The following C12orf42 variants were observed in gnomAD, a reference collection of about 807,000 sequenced individuals.
C12orf42 encodes uncharacterized protein C12orf42.
C12orf42 carries 25 observed loss-of-function variants against 21.6 expected under a neutral mutation model. That is an observed-to-expected ratio of 1.16 (90% CI 0.84 to 1.62). The LOEUF (loss-of-function observed/expected upper bound fraction) is 1.62, where lower values mean the gene tolerates loss of function less well. Ranked by LOEUF, C12orf42 falls within the 40% of genes most tolerant of loss-of-function variation. The pLI is 0.00. For synonymous variants in C12orf42, 174 were observed against 175.0 expected, an observed-to-expected ratio of 0.99 and a Z score of 0.05; for missense variants, 483 against 459.3, an observed-to-expected ratio of 1.05 and a Z score of -0.47.
intron 1 of C12orf42, among the ~76,000 whole-genome samples, chr12:103,490,221 T>C (rs1288809045): frequency 2.0e-5 from 3 of 152,222 alleles, no homozygotes; most frequent in Admixed American, 2.0e-4. Flanking sequence ...AATCTTAGTC[T>C]CTGACATTTA....
At chr12:103,081,185 TATAGAAA>T in the C12orf42 span, 10 of 152,350 alleles carry the variant, frequency 6.6e-5, no homozygotes, top group African/African-American at 2.2e-4. Flanking sequence ...TTCCTTAGGC[TATAGAAA>T]TATTTAGCGA....
chr12:103,557,080 T>A, the C12orf42 span, among the ~76,000 whole-genome samples: 1 of 152,160 alleles, frequency 6.6e-6, no homozygotes, highest in Admixed American at 6.5e-5. Context: ...GCCACTAGAT[T>A]TGTGGTAATC....
the C12orf42 span, among the ~76,000 whole-genome samples, chr12:103,228,424 A>T: frequency 6.6e-6 from 1 of 152,098 alleles, no homozygotes; most frequent in African/African-American, 2.4e-5. Flanking sequence ...TTTGTAGTGG[A>T]ATGTCATCAG....
At chr12:103,229,487 AATT>A in the C12orf42 span, among the ~76,000 whole-genome samples, 1 of 108,828 alleles carries the variant, frequency 9.2e-6, no homozygotes, top group South Asian at 3.1e-4. Context: ...TTATATTTAT[AATT>A]ATTTATTTAA....
chr12:103,492,752 G>C (rs1955262954), intron 1 of C12orf42, among the ~76,000 whole-genome samples: 1 of 152,134 alleles, frequency 6.6e-6, no homozygotes, highest in South Asian at 2.1e-4. Flanking sequence ...CAAGTCAAGT[G>C]TCTGTCTCCA....
chr12:103,203,831 T>C, the C12orf42 span, among the ~76,000 whole-genome samples: 1 of 151,928 alleles, frequency 6.6e-6, no homozygotes, highest in Non-Finnish European at 1.5e-5. Context: ...TACTGAAAAA[T>C]TGAGATGTAA....
At chr12:103,434,322 C>T (rs995362800) in intron 2 of C12orf42, among the ~76,000 whole-genome samples, 3 of 152,144 alleles carry the variant, frequency 2.0e-5, no homozygotes, top group Non-Finnish European at 4.4e-5. Context: ...CCCTTGATGA[C>T]GGAGCTGCAC....
chr12:103,133,067 G>C, the C12orf42 span, among the ~76,000 whole-genome samples: 1 of 152,170 alleles, frequency 6.6e-6, no homozygotes, highest in East Asian at 1.9e-4. Context: ...CTTGAGTGGG[G>C]ACTGGGTGCC....
chr12:103,291,553 T>G (rs138937095), intron 4 of C12orf42, among the ~76,000 whole-genome samples: 1 of 152,186 alleles, frequency 6.6e-6, no homozygotes, highest in Non-Finnish European at 1.5e-5. Context: ...TGACTAGCTA[T>G]ACTTAATAGC....
the C12orf42 span, among the ~76,000 whole-genome samples, chr12:103,088,807 C>T: frequency 6.6e-6 from 1 of 152,128 alleles, no homozygotes; most frequent in East Asian, 1.9e-4. Context: ...CAGTGAGAGT[C>T]TCAAGAATCA....
the C12orf42 span, among the ~76,000 whole-genome samples, chr12:103,095,392 T>C: frequency 6.6e-6 from 1 of 152,316 alleles, no homozygotes; most frequent in African/African-American, 2.4e-5. Flanking sequence ...ACTGGTCTCC[T>C]TGCTGCCCTT....
chr12:103,474,314 G>A (rs773380855), intron 2 of C12orf42, among the ~76,000 whole-genome samples: 48 of 152,128 alleles, frequency 3.2e-4, no homozygotes, highest in Non-Finnish European at 6.0e-4. Flanking sequence ...TTACCAAAAC[G>A]GAAAATTGTA....
intron 2 of C12orf42, among the ~76,000 whole-genome samples, chr12:103,464,501 C>T (rs1008940803): frequency 4.6e-5 from 7 of 150,986 alleles, no homozygotes; most frequent in African/African-American, 1.5e-4. Flanking sequence ...AAAATTTTCT[C>T]CTATTCTGTA....
the C12orf42 span, among the ~76,000 whole-genome samples, chr12:103,529,126 G>A: frequency 1.3e-4 from 20 of 152,144 alleles, no homozygotes; most frequent in African/African-American, 4.8e-4. Flanking sequence ...CATCCTCCAG[G>A]TGCCTGAGCA....
At chr12:103,137,943 C>A in the C12orf42 span, among the ~76,000 whole-genome samples, 1 of 151,910 alleles carries the variant, frequency 6.6e-6, no homozygotes, top group African/African-American at 2.4e-5. Flanking sequence ...GGAATTAGTT[C>A]TCATGTTTGA....
the C12orf42 span, among the ~76,000 whole-genome samples, chr12:103,148,238 C>G: frequency 6.6e-6 from 1 of 152,098 alleles, no homozygotes; most frequent in South Asian, 2.1e-4. Flanking sequence ...TAGGTTCTTA[C>G]AATTAAAAGG....
the C12orf42 span, among the ~76,000 whole-genome samples, chr12:103,515,507 T>A: frequency 6.6e-6 from 1 of 152,200 alleles, no homozygotes; most frequent in Admixed American, 6.5e-5. Flanking sequence ...TATAATTAAG[T>A]GATAATGAAT....
At chr12:103,488,560 C>G (rs1954988470) in intron 1 of C12orf42, among the ~76,000 whole-genome samples, 1 of 152,164 alleles carries the variant, frequency 6.6e-6, no homozygotes, top group South Asian at 2.1e-4. Context: ...CAACGTGGTT[C>G]CATTCTCCCC....
At chr12:103,279,405 A>G (rs12315487) in intron 4 of C12orf42, among the ~76,000 whole-genome samples, 16,781 of 152,216 alleles carry the variant, frequency 0.11, 1,012 homozygotes, top group African/African-American at 0.16. Context: ...TTAAATATAT[A>G]TGTGTATATG....
Sources: gnomAD v4.1 joint callset for allele counts (sites outside exome capture counted in the v4.1 genomes callset) on GRCh38, gnomAD v4.1.1 for gene constraint, MANE v1.5 for transcripts, NCBI Gene and HGNC (gene_info 2026-07-23, HGNC 2026-07-21) for gene names.